Variants in SHISA6 observed in about 807,000 individuals in gnomAD.
SHISA6 encodes the protein shisa family member 6, also known as protein shisa-6.
A neutral mutation model predicts 47.9 loss-of-function variants in SHISA6; 22 were observed. The ratio of observed to expected loss-of-function variants is 0.46; its 90% CI spans 0.33 to 0.66. SHISA6 has a LOEUF of 0.66. SHISA6 is among the 30% of genes least tolerant of loss of function. The pLI is 0.02. For synonymous variants in SHISA6, 388 were observed against 337.8 expected, an observed-to-expected ratio of 1.15 and a Z score of -1.63; for missense variants, 680 against 764.6, an observed-to-expected ratio of 0.89 and a Z score of 1.30.
chr17:11,513,194 A>T (rs1249403428), intron 3 of SHISA6, among the ~76,000 whole-genome samples: 1 of 41,140 alleles, frequency 2.4e-5, no homozygotes. Flanking sequence ...ACACACATAT[A>T]TATGTGTGTA....
intron 3 of SHISA6, among the ~76,000 whole-genome samples, chr17:11,442,726 A>G (rs1224500695): frequency 6.6e-6 from 1 of 152,174 alleles, no homozygotes; most frequent in African/African-American, 2.4e-5. Flanking sequence ...GCTCCTATAG[A>G]TAAAGCTCTC....
At chr17:11,300,674 T>TC (rs1909895002) in intron 2 of SHISA6, among the ~76,000 whole-genome samples, 1 of 151,610 alleles carries the variant, frequency 6.6e-6, no homozygotes, top group South Asian at 2.1e-4. Flanking sequence ...TTTTTCTTTT[T>TC]TTTTTTTTTT....
chr17:11,355,872 AAG>A (rs1283095590), intron 2 of SHISA6, among the ~76,000 whole-genome samples: 2 of 152,226 alleles, frequency 1.3e-5, no homozygotes, highest in Non-Finnish European at 2.9e-5. Context: ...CCTAATGATT[AAG>A]ACACCCTGCC....
At chr17:11,272,898 C>T (rs1050651116) in intron 2 of SHISA6, among the ~76,000 whole-genome samples, 1 of 152,142 alleles carries the variant, frequency 6.6e-6, no homozygotes, top group Admixed American at 6.5e-5. Context: ...AATCCAGATC[C>T]AAGGTGGTGG....
intron 3 of SHISA6, among the ~76,000 whole-genome samples, chr17:11,450,769 C>T (rs180924083): frequency 3.6e-4 from 55 of 151,980 alleles, no homozygotes; most frequent in African/African-American, 1.3e-3. Flanking sequence ...TCCAGGAAAT[C>T]GCACCAAGGA....
intron 2 of SHISA6, among the ~76,000 whole-genome samples, chr17:11,310,959 T>A (rs1910310180): frequency 6.6e-6 from 1 of 151,690 alleles, no homozygotes; most frequent in South Asian, 2.1e-4. Context: ...ATAGAAAAAA[T>A]TAGCCAGTGT....
At chr17:11,394,963 T>A (rs1218686131) in intron 3 of SHISA6, among the ~76,000 whole-genome samples, 1 of 151,166 alleles carries the variant, frequency 6.6e-6, no homozygotes, top group Non-Finnish European at 1.5e-5. Flanking sequence ...GAGAGTAAAT[T>A]TCAGATATGG....
chr17:11,372,114 C>T (rs1477338832), intron 2 of SHISA6, among the ~76,000 whole-genome samples: 1 of 152,150 alleles, frequency 6.6e-6, no homozygotes, highest in Non-Finnish European at 1.5e-5. Flanking sequence ...AACCTTCCTA[C>T]CAGCACATAC....
chr17:11,277,241 TTCTCTCTCTCTCTC>T (rs139388009), intron 2 of SHISA6, among the ~76,000 whole-genome samples: 5 of 78,094 alleles, frequency 6.4e-5, no homozygotes, highest in African/African-American at 1.2e-4. Context: ...CGGTTTCTCT[TTCTCTCTCTCTCTC>T]TCTCTCTCTC....
At chr17:11,377,204 C>T (rs1912832158) in intron 2 of SHISA6, among the ~76,000 whole-genome samples, 1 of 152,124 alleles carries the variant, frequency 6.6e-6, no homozygotes, top group Non-Finnish European at 1.5e-5. Flanking sequence ...CCTCATTATG[C>T]CCCAGCATTT....
intron 2 of SHISA6, among the ~76,000 whole-genome samples, chr17:11,302,220 T>C (rs2142178392): frequency 6.6e-6 from 1 of 152,300 alleles, no homozygotes; most frequent in South Asian, 2.1e-4. Flanking sequence ...ACTTTAGGCC[T>C]CTGTTGGAGT....
chr17:11,343,999 CT>C (rs111702313), intron 2 of SHISA6, among the ~76,000 whole-genome samples: 101 of 152,190 alleles, frequency 6.6e-4, no homozygotes, highest in African/African-American at 2.4e-3. Flanking sequence ...TATCATCTGT[CT>C]TTTTTTATTA....
chr17:11,311,101 C>T (rs1352636880), intron 2 of SHISA6, among the ~76,000 whole-genome samples: 1 of 105,054 alleles, frequency 9.5e-6, no homozygotes, highest in African/African-American at 3.8e-5. Flanking sequence ...AGCGAGACTC[C>T]ATCTCAAAAA....
At chr17:11,291,557 C>T (rs1170111706) in intron 2 of SHISA6, among the ~76,000 whole-genome samples, 3 of 152,054 alleles carry the variant, frequency 2.0e-5, no homozygotes, top group Admixed American at 6.6e-5. Context: ...TTACTTTAAC[C>T]CGGGAGGCGG....
chr17:11,434,246 T>C (rs1914873302), intron 3 of SHISA6, among the ~76,000 whole-genome samples: 1 of 152,030 alleles, frequency 6.6e-6, no homozygotes, highest in Non-Finnish European at 1.5e-5. Context: ...GTATTTTTAG[T>C]AGAGATGGGC....
At chr17:11,246,461 A>G (rs1020471400) in intron 1 of SHISA6, among the ~76,000 whole-genome samples, 1 of 152,142 alleles carries the variant, frequency 6.6e-6, no homozygotes, top group African/African-American at 2.4e-5. Context: ...CTGCACTCCA[A>G]CCTGGGGGCC....
chr17:11,323,139 C>T (rs1311292333), intron 2 of SHISA6, among the ~76,000 whole-genome samples: 2 of 152,166 alleles, frequency 1.3e-5, no homozygotes, highest in Non-Finnish European at 2.9e-5. Flanking sequence ...CCATTCTGTT[C>T]CTTAATCTAT....
chr17:11,522,409 A>C (rs1332859016), intron 3 of SHISA6, among the ~76,000 whole-genome samples: 1 of 152,172 alleles, frequency 6.6e-6, no homozygotes, highest in South Asian at 2.1e-4. Context: ...GACTACAGAC[A>C]CGCAACAGCA....
At chr17:11,305,200 G>GGGTTGATCTTA (rs1175004419) in intron 2 of SHISA6, among the ~76,000 whole-genome samples, 1 of 152,148 alleles carries the variant, frequency 6.6e-6, no homozygotes, top group Non-Finnish European at 1.5e-5. Context: ...AACTCATTAG[G>GGGTTGATCTTA]GGTATACTGT....
Sources: allele counts gnomAD v4.1 joint callset (sites outside exome capture counted in the v4.1 genomes callset), GRCh38; gene constraint gnomAD v4.1.1; transcripts MANE v1.5; gene names NCBI Gene and HGNC (gene_info 2026-07-23, HGNC 2026-07-21).